VPS13B: variants seen among roughly 807,000 people sequenced by gnomAD.
The protein encoded by VPS13B is intermembrane lipid transfer protein VPS13B.
Under a neutral mutation model 426.4 loss-of-function variants are expected in VPS13B, and 285 were observed. The ratio of observed to expected loss-of-function variants is 0.67; its 90% CI spans 0.61 to 0.74. The LOEUF (loss-of-function observed/expected upper bound fraction) is 0.74, where lower values mean the gene tolerates loss of function less well. Among genes scored for constraint, VPS13B ranks in the 30% least tolerant of loss-of-function variants. The pLI, the probability that VPS13B is intolerant of heterozygous loss-of-function variation, is 0.00. For missense variants in VPS13B, 4,537 were observed against 4,782.6 expected, an observed-to-expected ratio of 0.95 and a Z score of 1.51; for synonymous variants, 1,676 against 1,676.4, an observed-to-expected ratio of 1.00 and a Z score of 0.01.
At chr8:99,047,272 C>T (rs1276323749) in intron 3 of VPS13B, among the ~76,000 whole-genome samples, 1 of 152,062 alleles carries the variant, frequency 6.6e-6, no homozygotes, top group Non-Finnish European at 1.5e-5. Flanking sequence ...TTTATCTTTT[C>T]AGGGATTTAT....
rs542446034 is a variant in VPS13B, at chr8:99,489,537, A to G, written c.3870+7735A>G. ...ATATTGATTCTTCCTATCCATGAAT[A>G]TAGAACGCTTTTCCATTTGTTTGTG... On this transcript the variant is annotated intron_variant, in intron 25 of 61. Coordinates refer to ENST00000357162, the MANE Select transcript of VPS13B (RefSeq NM_152564.5). 1.2e-4 allele frequency among the ~76,000 whole-genome samples: 18 copies of G among 152,270 alleles called. No homozygotes were observed. In the South Asian group the frequency reaches 3.5e-3, roughly 30 times the overall value.
At chr8:99,511,045 A>C in intron 28 of VPS13B, 59 bp from the exon 29 acceptor site, 1 of 1,594,382 alleles carries the variant, frequency 6.3e-7, no homozygotes, top group Non-Finnish European at 8.5e-7. Context: ...CTTCTTTCCA[A>C]TTTTTAAAAA....
At chr8:99,743,374 T>A (rs1185556287) in intron 39 of VPS13B, among the ~76,000 whole-genome samples, 2 of 151,752 alleles carry the variant, frequency 1.3e-5, no homozygotes, top group African/African-American at 4.8e-5. Flanking sequence ...GAAGAATCAA[T>A]ATCGTGAAAA....
At chr8:99,789,779 T>C (rs1812454438) in intron 43 of VPS13B, among the ~76,000 whole-genome samples, 1 of 152,094 alleles carries the variant, frequency 6.6e-6, no homozygotes, top group Non-Finnish European at 1.5e-5. Context: ...TATCATATCA[T>C]ATAAGTCAGA....
At chr8:99,169,902 G>A (rs1004526193) in intron 15 of VPS13B, 137 bp from the exon 16 acceptor site, 20 of 1,020,720 alleles carry the variant, frequency 2.0e-5, no homozygotes, top group Middle Eastern at 5.8e-4. Context: ...AATGTTGATC[G>A]TTTGGGAAGT....
chr8:99,790,833 T>G (rs545609626), intron 43 of VPS13B, among the ~76,000 whole-genome samples: 1 of 151,992 alleles, frequency 6.6e-6, no homozygotes, highest in Non-Finnish European at 1.5e-5. Flanking sequence ...CACAGAGACA[T>G]GAAACAATAT....
At chr8:99,221,250 C>T (rs111705364) in intron 17 of VPS13B, among the ~76,000 whole-genome samples, 4,745 of 146,630 alleles carry the variant, frequency 0.032, 102 homozygotes, top group East Asian at 0.056. Context: ...AATAAACATA[C>T]GTGTGCATGT....
In VPS13B at chr8:99,798,831, C is replaced by T. The variant is rs539257233; in HGVS notation, c.7942-10544C>T. On this transcript the variant is annotated intron_variant, in intron 43 of 61. Transcript: ENST00000357162. Reference sequence around the variant, plus strand: ...ATTCTTGATGTCTAAACATAAAGGTCCTTTACTGAGCTAATTTTAAATGTG... The same window carrying T: ...ATTCTTGATGTCTAAACATAAAGGTTCTTTACTGAGCTAATTTTAAATGTG... 5.3e-5 allele frequency among the ~76,000 whole-genome samples: 8 copies of T among 152,250 alleles called. No individual in the cohort carries two copies. The South Asian group carries it at 8.3e-4, about 16-fold the overall frequency.
At chr8:99,415,711 C>T (rs1157851259) in intron 21 of VPS13B, among the ~76,000 whole-genome samples, 1 of 152,212 alleles carries the variant, frequency 6.6e-6, no homozygotes, top group Non-Finnish European at 1.5e-5. Context: ...AGGTTCACTC[C>T]AGAACCTGTT....
chr8:99,542,244 A>G (rs904475121), intron 30 of VPS13B, among the ~76,000 whole-genome samples: 1 of 152,160 alleles, frequency 6.6e-6, no homozygotes, highest in Non-Finnish European at 1.5e-5. Context: ...ACATCATCAG[A>G]ATTTCTTGTC....
chr8:99,677,020 G>A (rs1043265933), intron 35 of VPS13B, among the ~76,000 whole-genome samples: 4 of 152,030 alleles, frequency 2.6e-5, no homozygotes. Flanking sequence ...GGAGGCTAAG[G>A]CAGAAGAATC....
chr8:99,605,192 A>G (rs528258594), intron 33 of VPS13B, among the ~76,000 whole-genome samples: 192 of 152,290 alleles, frequency 1.3e-3, no homozygotes, highest in Non-Finnish European at 2.2e-3. Context: ...CAGTGGTAAT[A>G]TGTGCTGTGG....
At chr8:99,426,210 A>G (rs1298255830) in intron 21 of VPS13B, among the ~76,000 whole-genome samples, 50 of 142,804 alleles carry the variant, frequency 3.5e-4, no homozygotes, top group East Asian at 1.1e-3. Flanking sequence ...ATGATTTCCA[A>G]TTTCATCCAT....
chr8:99,639,127 A>G (rs1253178739), intron 33 of VPS13B, among the ~76,000 whole-genome samples: 5 of 152,202 alleles, frequency 3.3e-5, no homozygotes, highest in Non-Finnish European at 7.4e-5. Flanking sequence ...ATGATATTAT[A>G]TAGCCTTAGA....
At chr8:99,558,700 GTTTC>G (rs769941607) in intron 31 of VPS13B, among the ~76,000 whole-genome samples, 7 of 152,072 alleles carry the variant, frequency 4.6e-5, no homozygotes, top group Non-Finnish European at 1.0e-4. Context: ...CACAATGATG[GTTTC>G]CAGCTTCATC....
chr8:99,477,577 A>G lies in VPS13B; in HGVS notation c.3667-4022A>G, dbSNP rs565883114. 3.3e-5 allele frequency among the ~76,000 whole-genome samples: 5 copies of G among 152,278 alleles called. No individual in the cohort carries two copies. In the South Asian group the frequency reaches 1.0e-3, roughly 32 times the overall value. On this transcript the variant is annotated intron_variant, in intron 24 of 61. Coordinates refer to ENST00000357162, the MANE Select transcript of VPS13B (RefSeq NM_152564.5). Reference sequence around the variant, plus strand: ...ATTTTATGGAAATAATTCCTACTTAAATACCTTTCTTTGACTTATCCATTA... The same window carrying G: ...ATTTTATGGAAATAATTCCTACTTAGATACCTTTCTTTGACTTATCCATTA...
intron 3 of VPS13B, among the ~76,000 whole-genome samples, chr8:99,045,319 T>G (rs987118859): frequency 2.0e-5 from 3 of 152,234 alleles, no homozygotes; most frequent in Non-Finnish European, 2.9e-5. Context: ...GTGAACATTT[T>G]TTCATATGTT....
At chr8:99,256,845 C>T (rs1817768655) in intron 17 of VPS13B, among the ~76,000 whole-genome samples, 1 of 152,034 alleles carries the variant, frequency 6.6e-6, no homozygotes, top group Non-Finnish European at 1.5e-5. Context: ...CCTCCATTTT[C>T]ATAGCACTCT....
intron 14 of VPS13B, among the ~76,000 whole-genome samples, chr8:99,154,578 A>G (rs1811253816): frequency 6.6e-6 from 1 of 152,214 alleles, no homozygotes; most frequent in East Asian, 1.9e-4. Flanking sequence ...TGTGTAATGC[A>G]AGACTTCAGG....
Sources: gnomAD v4.1 joint callset for allele counts (sites outside exome capture counted in the v4.1 genomes callset) on GRCh38, gnomAD v4.1.1 for gene constraint, MANE v1.5 for transcripts, NCBI Gene and HGNC (gene_info 2026-07-23, HGNC 2026-07-21) for gene names.